The following TRPV2 variants were observed in gnomAD, a reference collection of about 807,000 sequenced individuals.
The protein encoded by TRPV2 is OTRPC2.
TRPV2 carries 58 observed loss-of-function variants against 91.0 expected under a neutral mutation model. That is an observed-to-expected ratio of 0.64 (90% CI 0.52 to 0.79). The LOEUF (loss-of-function observed/expected upper bound fraction) is 0.79, where lower values mean the gene tolerates loss of function less well. TRPV2 is among the 30% of genes least tolerant of loss of function. The probability of loss-of-function intolerance (pLI) is 0.00; values close to 1 mark genes in which losing one functional copy is unlikely to be tolerated. For synonymous variants in TRPV2, 417 were observed against 414.8 expected (o/e 1.01, Z -0.06); for missense variants, 807 against 969.6 (o/e 0.83, Z 2.23).
Position 16,434,815 on chromosome 17 carries a change from G to T in TRPV2, c.2115-75G>T, listed in dbSNP as rs1322924055. On this transcript the variant is annotated intron_variant, in intron 13 of 14. Coordinates refer to ENST00000338560, the MANE Select transcript of TRPV2 (RefSeq NM_016113.5). ...CTCTGCATAGTCTCCCAATTTGGGG[G>T]GCCACGCCCCTCTCCGGGGTGGGAG... is the stretch of plus-strand genomic sequence containing the variant. 10 of 1,439,256 alleles carry T rather than the reference G, an allele frequency of 6.9e-6. No homozygotes were observed. The African/African-American group carries it at 7.1e-5, about 10-fold the overall frequency. 89.2% of individuals were successfully genotyped at this position (1,439,256 alleles called of 1,614,324 possible).
intron 1 of TRPV2, chr17:16,416,640 C>G (rs558572565): frequency 7.0e-4 from 107 of 152,356 alleles, no homozygotes; most frequent in African/African-American, 2.3e-3. Flanking sequence ...GTATTCGATG[C>G]CTTCAGAGCT....
chr17:16,436,299 G>C (rs373156739), intron 14 of TRPV2, among the ~76,000 whole-genome samples: 1 of 152,170 alleles, frequency 6.6e-6, no homozygotes, highest in African/African-American at 2.4e-5. Context: ...CTGGAAGGCC[G>C]CACTGCTCAG....
chr17:16,431,285 ATACATATTTTTT>A lies in TRPV2; in HGVS notation c.1588-497_1588-486del, dbSNP rs1207453404. On this transcript the variant is annotated intron_variant, in intron 10 of 14. Coordinates refer to ENST00000338560, the MANE Select transcript of TRPV2 (RefSeq NM_016113.5). Reference sequence around the variant, plus strand: ...TATATATATATATATATATATATATATACATATTTTTTTTTTTTTTTTTTTTGAGACGAAGTC... The same window carrying A: ...TATATATATATATATATATATATATATTTTTTTTTTTTTTGAGACGAAGTC... Among the ~76,000 whole-genome samples the A allele has an allele frequency of 1.6e-3, 71 of 43,698 alleles. 1 individual carries two copies. The highest frequency in any genetic ancestry group is 5.1e-3 in the African/African-American group (62 of 12,164). 28.7% of individuals were successfully genotyped at this position (43,698 alleles called of 152,430 possible).
chr17:16,433,690 G>A lies in TRPV2; in HGVS notation c.2106G>A (p.Trp702Ter). The A allele has an allele frequency of 6.2e-7, 1 of 1,613,800 alleles. No homozygotes were observed. Among genetic ancestry groups the A allele is most frequent in the African/African-American group, 1.3e-5 (1 of 75,074 alleles). The change falls in exon 13 of 15, where the codon TGG (tryptophan) becomes TGA (stop). Residue 702 changes from tryptophan (W) to a stop codon, truncating the protein, a stop_gained. Coordinates refer to ENST00000338560, the MANE Select transcript of TRPV2 (RefSeq NM_016113.5). LOFTEE classifies it high-confidence loss of function. ...TKPDGSPDER[W>*]CFRVEEVNWA... ...CAGATGGCAGCCCCGATGAGCGCTG[G>A]TGCTTCAGGTGAGTGAGTGGTGGGA...
chr17:16,427,214 G>A (rs1003231815), intron 7 of TRPV2, among the ~76,000 whole-genome samples: 8 of 152,172 alleles, frequency 5.3e-5, no homozygotes, highest in Admixed American at 3.9e-4. Flanking sequence ...CAGAATGGAA[G>A]TGGTGTGGAG....
chr17:16,420,424 A>C (rs4629007), intron 3 of TRPV2, among the ~76,000 whole-genome samples, 176 bp downstream of exon 3: 1 of 151,998 alleles, frequency 6.6e-6, no homozygotes. Context: ...GCCTCCTGTC[A>C]GTCTTGGCTG....
chr17:16,421,563 C>G (rs1210413405), intron 3 of TRPV2, among the ~76,000 whole-genome samples: 1 of 147,578 alleles, frequency 6.8e-6, no homozygotes, highest in Non-Finnish European at 1.5e-5. Context: ...GCTCTGTCAC[C>G]CAGGCTGGAG....
At chr17:16,422,149 AAACAAAACAAAAC>A (rs2093360621) in intron 3 of TRPV2, among the ~76,000 whole-genome samples, 1 of 151,804 alleles carries the variant, frequency 6.6e-6, no homozygotes, top group South Asian at 2.1e-4. Context: ...TGAAAACAAA[AAACAAAACAAAAC>A]AACAAAAAAA....
rs139207152 is a variant in TRPV2 at position 16,422,769 on chromosome 17, A to G, written c.505A>G (p.Ile169Val). 174 of 1,575,176 alleles carry G rather than the reference A, an allele frequency of 1.1e-4. 1 individual carries two copies. The highest frequency in any genetic ancestry group is 8.3e-4 in the Admixed American group (45 of 54,424). ...DYYRGHSALHIAIEKRSLQCV... is the reference protein window; with the variant it reads ...DYYRGHSALHVAIEKRSLQCV... Reference sequence around the variant, plus strand: ...TTACCGAGGCCACAGCGCTCTGCACATCGCCATTGAGAAGAGGAGTCTGCA... The same window carrying G: ...TTACCGAGGCCACAGCGCTCTGCACGTCGCCATTGAGAAGAGGAGTCTGCA... The change falls in exon 4 of 15, where the codon ATC becomes GTC. Residue 169 changes from isoleucine (I) to valine (V), a missense_variant. Ile to Val is a conservative substitution (Grantham distance 29, BLOSUM62 3). Coordinates refer to ENST00000338560, the MANE Select transcript of TRPV2 (RefSeq NM_016113.5).
At position 16,427,643 on chromosome 17, in the gene TRPV2, C is replaced by T. The variant is rs1187004998; in HGVS notation, c.1350+96C>T. 7.0e-6 allele frequency: 8 copies of T among 1,134,846 alleles called. No individual in the cohort carries two copies. The Admixed American group carries it at 7.6e-5, about 11-fold the overall frequency. 70.3% of individuals were successfully genotyped at this position (1,134,846 alleles called of 1,614,324 possible). On this transcript the variant is annotated intron_variant, in intron 8 of 14. Transcript: ENST00000338560. Reference sequence around the variant, plus strand: ...TAGCTGCATCCCCTCACTGACAATACCCAGTCCCACCCAGAGCAACCAGCC... The same window carrying T: ...TAGCTGCATCCCCTCACTGACAATATCCAGTCCCACCCAGAGCAACCAGCC...
Position 16,435,050 on chromosome 17 carries a change from GCAGGACC to G in TRPV2, c.2194+85_2194+91del, listed in dbSNP as rs1218940598. On this transcript the variant is annotated intron_variant, in intron 14 of 14. Transcript: ENST00000338560. This position sits in a 1 kb window ranked among gnomAD's most constrained non-coding sequence, Gnocchi z 4.2. ...GCCACAAAGCCTTGGAGAGTCTGGGGCAGGACCCAGAGACCTCCTCATAGTCCCTTTG... is the reference window on the plus strand; with the variant it reads ...GCCACAAAGCCTTGGAGAGTCTGGGGCAGAGACCTCCTCATAGTCCCTTTG... 1 of 1,233,060 alleles carries G rather than the reference GCAGGACC, an allele frequency of 8.1e-7. No homozygotes were observed. Among genetic ancestry groups the G allele is most frequent in the African/African-American group, 1.6e-5 (1 of 64,256 alleles). 76.4% of individuals were successfully genotyped at this position (1,233,060 alleles called of 1,614,324 possible).
At position 16,428,823 on chromosome 17, in the gene TRPV2, C is replaced by T. The variant is rs777628479; in HGVS notation, c.1428C>T (p.Phe476=). ...IDSYFEILFL[F]QALLTVVSQV... is the part of the protein sequence containing the mutation. The stretch of plus-strand genomic sequence containing the variant: ...GGATTCTGCTCCCACACAGCCTGTT[C>T]CAGGCCCTGCTCACAGTGGTGTCCC... Residue 476 remains phenylalanine, a synonymous_variant, in exon 10 of 15, where the codon TTC becomes TTT. Coordinates refer to ENST00000338560, the MANE Select transcript of TRPV2 (RefSeq NM_016113.5). The T allele has an allele frequency of 4.8e-5, 77 of 1,613,200 alleles. No individual in the cohort carries two copies. Among genetic ancestry groups the T allele is most frequent in the Non-Finnish European group, 5.7e-5 (67 of 1,179,956 alleles).
chr17:16,416,829 G>A (rs1310376737), intron 1 of TRPV2: 1 of 152,186 alleles, frequency 6.6e-6, no homozygotes, highest in Non-Finnish European at 1.5e-5. Context: ...ATAGTCTAGT[G>A]GTTTTCCCAG....
intron 14 of TRPV2, 47 bp from the exon 15 acceptor site, chr17:16,436,742 G>C: frequency 7.1e-7 from 1 of 1,401,724 alleles, no homozygotes; most frequent in South Asian, 1.2e-5. Context: ...CTGCTTCCTG[G>C]GGACACACTC....
rs764803252 is a variant in TRPV2, at chr17:16,426,965, G to A, written c.1251+88G>A. On this transcript the variant is annotated intron_variant, in intron 7 of 14. Transcript: ENST00000338560. The surrounding 1 kb of genome is among the most constrained non-coding windows in gnomAD (Gnocchi z 6.0). ...GAAGATGGGGCAGTAATAGTGCTGA[G>A]GCATGGGCTGCTGGAGTGACATTCC... 170 of 1,447,488 alleles carry A rather than the reference G, an allele frequency of 1.2e-4. No homozygotes were observed. Among genetic ancestry groups the A allele is most frequent in the Non-Finnish European group, 1.5e-4 (161 of 1,067,910 alleles). 89.7% of individuals were successfully genotyped at this position (1,447,488 alleles called of 1,614,324 possible). A position where few individuals can be genotyped will look rare whatever the true frequency, so the allele number is the denominator to read the frequency against.
chr17:16,429,605 T>G (rs551006001), intron 10 of TRPV2, among the ~76,000 whole-genome samples: 1 of 152,262 alleles, frequency 6.6e-6, no homozygotes, highest in Admixed American at 6.5e-5. Context: ...AGTTGAGACC[T>G]GAAAGAATGA....
At chr17:16,417,509 C>T (rs2093336545) in intron 1 of TRPV2, 53 bp from the exon 2 acceptor site, 2 of 683,092 alleles carry the variant, frequency 2.9e-6, no homozygotes, top group South Asian at 3.7e-5. Context: ...GCTGGGATTA[C>T]ACCCAGCCAC....
Position 16,432,124 on chromosome 17 carries a change from A to C in TRPV2, c.1813A>C (p.Ile605Leu). 6.2e-7 allele frequency: 1 copy of C among 1,614,196 alleles called. No homozygotes were observed. Among genetic ancestry groups the C allele is most frequent in the Non-Finnish European group, 8.5e-7 (1 of 1,180,040 alleles). The change falls in exon 12 of 15, where the codon ATC (isoleucine) becomes CTC (leucine). Residue 605 changes from isoleucine to leucine, a missense_variant. Transcript: ENST00000338560. ...EASLELFKFT[I>L]GMGELAFQEQ... is the part of the protein sequence containing the mutation. ...CTCCTTGGAGCTCTTCAAATTCACC[A>C]TCGGCATGGGCGAGCTGGCCTTCCA... is the stretch of plus-strand genomic sequence containing the variant.
intron 3 of TRPV2, among the ~76,000 whole-genome samples, chr17:16,420,508 T>C (rs766869872): frequency 2.0e-5 from 3 of 152,118 alleles, no homozygotes; most frequent in Admixed American, 6.5e-5. Flanking sequence ...AGTGGCTGAA[T>C]GGAAACCCAA....
Sources: allele counts gnomAD v4.1 joint callset (sites outside exome capture counted in the v4.1 genomes callset), GRCh38; gene constraint gnomAD v4.1.1; non-coding constraint Gnocchi (gnomAD v3.1); transcripts MANE v1.5; gene names NCBI Gene and HGNC (gene_info 2026-07-23, HGNC 2026-07-21).